PCF11: variants seen among roughly 807,000 people sequenced by gnomAD.
The protein encoded by PCF11 is PCF11 cleavage and polyadenylation factor subunit.
PCF11 carries 19 observed loss-of-function variants against 166.1 expected under a neutral mutation model. The observed-to-expected ratio is 0.11, with a 90% confidence interval of 0.08 to 0.17. The LOEUF (loss-of-function observed/expected upper bound fraction) is 0.17. PCF11 is among the 10% of genes least tolerant of loss of function. The pLI is 1.00. For synonymous variants in PCF11, 663 were observed against 644.1 expected (o/e 1.03, Z -0.44); for missense variants, 1,565 against 1,855.5 (o/e 0.84, Z 2.88).
Position 83,166,226 on chromosome 11 carries a change from T to C in PCF11, c.1329T>C (p.Ala443=), listed in dbSNP as rs189687940. 74 of 1,613,308 alleles carry C rather than the reference T, an allele frequency of 4.6e-5. No homozygotes were observed. In the African/African-American group the frequency reaches 7.2e-4, roughly 16 times the overall value. The change falls in exon 5 of 16, where the codon GCT becomes GCC. Residue 443 remains alanine, a synonymous_variant. Coordinates refer to ENST00000298281, the Ensembl canonical transcript of PCF11. ...TGAAGTCATCCGAACACAGACTGGC[T>C]GGAAGTAGAAATAAAATCATAAATG...
exon 16 of PCF11, chr11:83,186,143 T>C (rs1861283606): frequency 6.6e-6 from 1 of 152,204 alleles, no homozygotes; most frequent in Non-Finnish European, 1.5e-5. Context: ...CCATACAATT[T>C]CTGCAATTTT....
In PCF11 at chr11:83,166,802, G is replaced by A. The variant is rs1860479523; in HGVS notation, c.1817+88G>A. On this transcript the variant is annotated intron_variant, in intron 5 of 15. Transcript: ENST00000298281. ...TTAAAAATTGGAAAATGTTTATTAGGTGCTATTAGTACTTTTTTTCCATCT... is the reference window on the plus strand; with the variant it reads ...TTAAAAATTGGAAAATGTTTATTAGATGCTATTAGTACTTTTTTTCCATCT... 11 of 1,100,726 alleles carry A rather than the reference G, an allele frequency of 1.0e-5. No homozygotes were observed. The Admixed American group carries it at 2.7e-4, about 27-fold the overall frequency. 68.2% of individuals were successfully genotyped at this position (1,100,726 alleles called of 1,614,324 possible).
chr11:83,172,789 C>A (rs935970519), intron 9 of PCF11, among the ~76,000 whole-genome samples: 5 of 152,150 alleles, frequency 3.3e-5, no homozygotes, highest in African/African-American at 9.7e-5. Flanking sequence ...ATTTCTGAAT[C>A]ATTGAAACAG....
In PCF11 at chr11:83,168,469, C is replaced by T. The variant is rs1225015298; in HGVS notation, c.2134C>T (p.Pro712Ser). The change falls in exon 8 of 16, where the codon CCA becomes TCA. Residue 712 changes from proline to serine, a missense_variant. Pro to Ser is a moderately conservative substitution (Grantham distance 74, BLOSUM62 -1). Transcript: ENST00000298281. ...GAGATCTCCATTCAATGATCGTTTT[C>T]CACTTAAGCGACCTCGATATGAAGA... The T allele has an allele frequency of 2.5e-6, 4 of 1,610,500 alleles. No individual in the cohort carries two copies. In the East Asian group the frequency reaches 8.9e-5, roughly 36 times the overall value.
intron 2 of PCF11, 151 bp from the exon 3 acceptor site, chr11:83,163,528 G>T: frequency 2.8e-6 from 1 of 351,002 alleles, no homozygotes; most frequent in Non-Finnish European, 5.1e-6. Context: ...AAGGAGAAAT[G>T]CACCTTTAAT....
chr11:83,167,352 TCTATTTTTTTG>T lies in PCF11; in HGVS notation c.2001+45_2002-52del. ...CCCATGTAGTCATCATTATCTATCG[TCTATTTTTTTG>T]GTATTTTTTTATATTTAAAATATTT... On this transcript the variant is annotated intron_variant, in intron 6 of 15. Transcript: ENST00000298281. This position sits in a 1 kb window ranked among gnomAD's most constrained non-coding sequence, Gnocchi z 4.2. 1 of 1,540,750 alleles carries T rather than the reference TCTATTTTTTTG, an allele frequency of 6.5e-7. No homozygotes were observed. Among genetic ancestry groups the T allele is most frequent in the Non-Finnish European group, 8.7e-7 (1 of 1,145,414 alleles).
intron 8 of PCF11, among the ~76,000 whole-genome samples, chr11:83,171,541 G>A (rs1229320586): frequency 6.6e-6 from 1 of 152,014 alleles, no homozygotes; most frequent in Non-Finnish European, 1.5e-5. Flanking sequence ...CTTTTTGGGG[G>A]GCTACTTTGC....
intron 9 of PCF11, among the ~76,000 whole-genome samples, chr11:83,176,390 T>C (rs955989595): frequency 6.6e-6 from 1 of 152,222 alleles, no homozygotes. Context: ...TGCACACATA[T>C]GTTTATTGTG....
At chr11:83,172,107 A>G (rs1215256777) in intron 9 of PCF11, among the ~76,000 whole-genome samples, 193 bp downstream of exon 9, 1 of 152,194 alleles carries the variant, frequency 6.6e-6, no homozygotes. Flanking sequence ...TAATGACCCT[A>G]TTTACAGCTA....
exon 5 of PCF11, chr11:83,165,654 C>A: frequency 6.2e-7 from 1 of 1,613,202 alleles, no homozygotes; most frequent in Non-Finnish European, 8.5e-7. Context: ...TGGATCTGCA[C>A]CATCCAAATT....
At position 83,167,785 on chromosome 11, in the gene PCF11, A is replaced by T; in HGVS notation, c.2092+280A>T. On this transcript the variant is annotated intron_variant, in intron 7 of 15. Coordinates refer to ENST00000298281, the Ensembl canonical transcript of PCF11. The surrounding 1 kb of genome is among the most constrained non-coding windows in gnomAD (Gnocchi z 4.2). ...GGAGCACAGTTTGACAGAAAAGAAC[A>T]ATTTAGTGAAAGAGCAAGACGTCTT... 1 of 1,393,888 alleles carries T rather than the reference A, an allele frequency of 7.2e-7. No homozygotes were observed. Among genetic ancestry groups the T allele is most frequent in the Non-Finnish European group, 9.5e-7 (1 of 1,057,494 alleles). The allele number at this position is 1,393,888 out of a possible 1,614,324, so 86.3% of individuals were successfully genotyped here.
At chr11:83,157,791 G>C (rs1311496526) in intron 1 of PCF11, 160 bp downstream of exon 1, 1 of 651,564 alleles carries the variant, frequency 1.5e-6, no homozygotes, top group Non-Finnish European at 2.7e-6. Flanking sequence ...CCCAGGCTTC[G>C]AGCATGGGCC....
chr11:83,172,948 G>T (rs1032793796), intron 9 of PCF11, among the ~76,000 whole-genome samples: 1 of 152,112 alleles, frequency 6.6e-6, no homozygotes, highest in South Asian at 2.1e-4. Flanking sequence ...GAAATTCAAT[G>T]AATTTGGAAG....
At chr11:83,181,880 T>G (rs1239926889) in exon 13 of PCF11, 1 of 1,611,166 alleles carries the variant, frequency 6.2e-7, no homozygotes, top group Non-Finnish European at 8.5e-7. Flanking sequence ...AGGAGATAGC[T>G]GATCTGGAAG....
intron 2 of PCF11, among the ~76,000 whole-genome samples, chr11:83,162,208 T>C (rs933407957): frequency 1.3e-5 from 2 of 152,232 alleles, no homozygotes; most frequent in African/African-American, 2.4e-5. Flanking sequence ...AAGGCACTTA[T>C]GAGATACTTA....
chr11:83,174,367 C>T (rs1860802645), intron 9 of PCF11, among the ~76,000 whole-genome samples: 1 of 148,482 alleles, frequency 6.7e-6, no homozygotes, highest in Non-Finnish European at 1.5e-5. Flanking sequence ...CTTCAAAGAC[C>T]TTTATTTTTA....
At chr11:83,170,143 T>A in intron 8 of PCF11, 148 bp downstream of exon 8, 1 of 612,966 alleles carries the variant, frequency 1.6e-6, no homozygotes. Flanking sequence ...GGAAGTGGGA[T>A]GAGCATCTTT....
At chr11:83,158,142 A>G (rs1056112566) in intron 1 of PCF11, 4 of 153,436 alleles carry the variant, frequency 2.6e-5, no homozygotes, top group Non-Finnish European at 4.4e-5. Flanking sequence ...GCCGCCTGTT[A>G]GGAGCCCAAC....
At position 83,173,719 on chromosome 11, in the gene PCF11, C is replaced by CTTTTTTTTT. The variant is rs869126679; in HGVS notation, c.3757+1825_3757+1833dup. ...AATTTTCTTGTTTCTTTCTTTCTTT[C>CTTTTTTTTT]TTTTTTTTTTTTTTTTTTTTTTTTT... is the stretch of plus-strand genomic sequence containing the variant. On this transcript the variant is annotated intron_variant, in intron 9 of 15. Transcript: ENST00000298281. Among the ~76,000 whole-genome samples, 63 of 59,066 alleles carry CTTTTTTTTT rather than the reference C, an allele frequency of 1.1e-3. 2 individuals carry two copies. Among genetic ancestry groups the CTTTTTTTTT allele is most frequent in the South Asian group, 1.6e-3 (2 of 1,282 alleles). 38.7% of individuals were successfully genotyped at this position (59,066 alleles called of 152,430 possible). A position where few individuals can be genotyped will look rare whatever the true frequency, so the allele number is the denominator to read the frequency against.
Sources: gnomAD v4.1 joint callset for allele counts (sites outside exome capture counted in the v4.1 genomes callset) on GRCh38, gnomAD v4.1.1 for gene constraint, Gnocchi (gnomAD v3.1) non-coding constraint, MANE v1.5 for transcripts, NCBI Gene and HGNC (gene_info 2026-07-23, HGNC 2026-07-21) for gene names.